Variants in ARHGEF3 observed in about 807,000 individuals in gnomAD.
ARHGEF3 encodes Rho guanine nucleotide exchange factor 3, also known as 59.8 kDA protein.
ARHGEF3 carries 28 observed loss-of-function variants against 63.2 expected under a neutral mutation model. The ratio of observed to expected loss-of-function variants is 0.44; its 90% CI spans 0.33 to 0.61. ARHGEF3 has a LOEUF of 0.61. Ranked by LOEUF, ARHGEF3 falls within the 20% of genes least tolerant of loss-of-function variation. The probability of loss-of-function intolerance (pLI) is 0.03; values close to 1 mark genes in which losing one functional copy is unlikely to be tolerated. For missense variants in ARHGEF3, 533 were observed against 659.3 expected (o/e 0.81, Z 2.10); for synonymous variants, 266 against 254.2 (o/e 1.05, Z -0.44).
At chr3:56,960,969 T>C (rs1034177879) in intron 2 of ARHGEF3, 1 of 152,216 alleles carries the variant, frequency 6.6e-6, no homozygotes, top group Non-Finnish European at 1.5e-5. Context: ...AGTAACAATA[T>C]ATACCAGAAC....
chr3:56,920,805 C>A (rs575437022), intron 3 of ARHGEF3, among the ~76,000 whole-genome samples: 6 of 152,136 alleles, frequency 3.9e-5, no homozygotes, highest in Non-Finnish European at 8.8e-5. Flanking sequence ...GTAATCCCAG[C>A]ACTTTGGGAG....
chr3:56,927,154 T>TC (rs1206577412), intron 3 of ARHGEF3, among the ~76,000 whole-genome samples: 1 of 152,226 alleles, frequency 6.6e-6, no homozygotes. Context: ...TCCCTGTGCC[T>TC]CTGTTTCCTC....
intron 2 of ARHGEF3, among the ~76,000 whole-genome samples, chr3:57,022,551 C>G (rs141471569): frequency 2.1e-3 from 314 of 152,256 alleles, no homozygotes; most frequent in African/African-American, 7.3e-3. Context: ...CCTTCTTGTG[C>G]TCTGCCACAT....
At chr3:56,815,048 G>A (rs1159122678) in intron 4 of ARHGEF3, among the ~76,000 whole-genome samples, 1 of 152,044 alleles carries the variant, frequency 6.6e-6, no homozygotes, top group African/African-American at 2.4e-5. Context: ...GGAGGCTGAG[G>A]CAGGGTGATT....
At chr3:56,966,632 G>T (rs1280340015) in intron 2 of ARHGEF3, among the ~76,000 whole-genome samples, 1 of 152,114 alleles carries the variant, frequency 6.6e-6, no homozygotes, top group Non-Finnish European at 1.5e-5. Context: ...GACATGATGA[G>T]ATTTGCCTTT....
chr3:57,009,498 C>T (rs1045213205), intron 2 of ARHGEF3, among the ~76,000 whole-genome samples: 9 of 152,150 alleles, frequency 5.9e-5, no homozygotes, highest in South Asian at 2.1e-4. Context: ...AGGCTAGAGG[C>T]GGGTGGATCT....
At chr3:56,810,215 A>G (rs1283455748) in intron 4 of ARHGEF3, among the ~76,000 whole-genome samples, 1 of 152,140 alleles carries the variant, frequency 6.6e-6, no homozygotes, top group Non-Finnish European at 1.5e-5. Flanking sequence ...ATTTTGTCGA[A>G]CCTAAGACTG....
At chr3:56,803,168 A>C (rs1053184388), upstream of ARHGEF3, among the ~76,000 whole-genome samples, 8 of 152,258 alleles carry the variant, frequency 5.3e-5, no homozygotes, top group Admixed American at 1.3e-4. Context: ...CCTGGGTTTA[A>C]AGAATTAAAG....
chr3:57,042,694 A>ATTTTTTTTTTT (rs1340824293), intron 1 of ARHGEF3, among the ~76,000 whole-genome samples: 6 of 41,874 alleles, frequency 1.4e-4, no homozygotes, highest in Admixed American at 3.8e-4. Flanking sequence ...ATATATATAT[A>ATTTTTTTTTTT]TATATATTTT....
At chr3:57,059,931 G>T (rs1335562769) in intron 1 of ARHGEF3, among the ~76,000 whole-genome samples, 1 of 152,138 alleles carries the variant, frequency 6.6e-6, no homozygotes, top group Non-Finnish European at 1.5e-5. Context: ...GGGAAGCAGA[G>T]GTTGCAGTCA....
At chr3:56,908,068 C>G (rs1031240850) in intron 3 of ARHGEF3, among the ~76,000 whole-genome samples, 1 of 152,194 alleles carries the variant, frequency 6.6e-6, no homozygotes, top group Non-Finnish European at 1.5e-5. Context: ...AGCCTCCTTA[C>G]CCTTCCCTGC....
intron 2 of ARHGEF3, among the ~76,000 whole-genome samples, chr3:56,760,132 A>G (rs2035335658): frequency 6.6e-6 from 1 of 152,182 alleles, no homozygotes; most frequent in Non-Finnish European, 1.5e-5. Context: ...AAAGGCAGGA[A>G]TTCCTTAAGT....
intron 3 of ARHGEF3, among the ~76,000 whole-genome samples, chr3:56,920,923 C>T (rs754439549): frequency 1.2e-4 from 18 of 151,876 alleles, no homozygotes; most frequent in East Asian, 1.9e-4. Context: ...GGCGTGGTGG[C>T]GGGCACCTGT....
In ARHGEF3 at chr3:56,729,213, A is replaced by C; in HGVS notation, c.*57T>G. The C allele has an allele frequency of 6.8e-7, 1 of 1,465,850 alleles. No individual in the cohort carries two copies. Among genetic ancestry groups the C allele is most frequent in the Non-Finnish European group, 9.3e-7 (1 of 1,077,990 alleles). The allele number at this position is 1,465,850 out of a possible 1,614,324, so 90.8% of individuals were successfully genotyped here. ...TTCTCCAAACCGTTCCATCTGTGGA[A>C]TGCAAATACTGTACAGGTAAGATGC... On this transcript the variant is annotated 3_prime_UTR_variant, in exon 10 of 10. Coordinates refer to ENST00000296315, the MANE Select transcript of ARHGEF3 (RefSeq NM_019555.3).
intron 7 of ARHGEF3, among the ~76,000 whole-genome samples, chr3:56,739,528 T>C (rs1354630234): frequency 6.6e-6 from 1 of 151,012 alleles, no homozygotes; most frequent in African/African-American, 2.4e-5. Context: ...AGCCTCCTGA[T>C]AGCTGGGACC....
At position 56,945,916 on chromosome 3, in the gene ARHGEF3, C is replaced by T. The variant is rs572624438; in HGVS notation, c.129+12907G>A. Among the ~76,000 whole-genome samples, 92 of 152,308 alleles carry T rather than the reference C, an allele frequency of 6.0e-4. 1 individual carries two copies. The South Asian group carries it at 0.017, about 28-fold the overall frequency. On this transcript the variant is annotated intron_variant, in intron 3 of 12. Transcript: ENST00000338458. ...CTGACACCTCACACGGCCGGGTACT[C>T]CTCTCAGACAAAACTTCCAGAGGAA...
At chr3:56,841,393 A>T (rs1187758354) in intron 4 of ARHGEF3, among the ~76,000 whole-genome samples, 1 of 152,108 alleles carries the variant, frequency 6.6e-6, no homozygotes, top group Admixed American at 6.6e-5. Context: ...GTCTTACATG[A>T]GATCTTCCAT....
At chr3:56,944,670 G>A (rs897217126) in intron 3 of ARHGEF3, among the ~76,000 whole-genome samples, 11 of 140,698 alleles carry the variant, frequency 7.8e-5, no homozygotes, top group East Asian at 4.6e-4. Flanking sequence ...TCTGCCTCCC[G>A]GGTACAAGCA....
intron 1 of ARHGEF3, among the ~76,000 whole-genome samples, chr3:57,054,000 A>G (rs2107314737): frequency 6.6e-6 from 1 of 152,288 alleles, no homozygotes; most frequent in Admixed American, 6.5e-5. Context: ...AGATGCATTC[A>G]CTTCTCTTGG....
Sources: allele counts gnomAD v4.1 joint callset (sites outside exome capture counted in the v4.1 genomes callset), GRCh38; gene constraint gnomAD v4.1.1; transcripts MANE v1.5; gene names NCBI Gene and HGNC (gene_info 2026-07-23, HGNC 2026-07-21).